Variants in CNGB3 observed in about 807,000 individuals in gnomAD.
CNGB3 encodes the protein cyclic nucleotide-gated channel beta-3.
In CNGB3, 86 loss-of-function variants were observed where a neutral mutation model predicts 92.8. That is an observed-to-expected ratio of 0.93 (90% confidence interval 0.78 to 1.11). The LOEUF (loss-of-function observed/expected upper bound fraction) is 1.11, where lower values mean the gene tolerates loss of function less well. Among genes scored for constraint, CNGB3 ranks in the 50% least tolerant of loss-of-function variants. The pLI, the probability that CNGB3 is intolerant of heterozygous loss-of-function variation, is 0.00. For synonymous variants in CNGB3, 333 were observed against 332.7 expected (o/e 1.00, Z -0.01); for missense variants, 1,026 against 956.8 (o/e 1.07, Z -0.95).
At chr8:86,712,246 T>G (rs966891564) in intron 3 of CNGB3, among the ~76,000 whole-genome samples, 2 of 152,162 alleles carry the variant, frequency 1.3e-5, no homozygotes, top group Non-Finnish European at 2.9e-5. Flanking sequence ...TTGCTGATTC[T>G]TTCTTTTTTA....
intron 3 of CNGB3, among the ~76,000 whole-genome samples, chr8:86,671,457 A>G (rs563456014): frequency 6.6e-6 from 1 of 152,332 alleles, no homozygotes; most frequent in Non-Finnish European, 1.5e-5. Flanking sequence ...ATGTGCCTGC[A>G]TAATCCCAGG....
chr8:86,707,285 A>G (rs1824667403), intron 3 of CNGB3, among the ~76,000 whole-genome samples: 1 of 152,202 alleles, frequency 6.6e-6, no homozygotes, highest in Non-Finnish European at 1.5e-5. Flanking sequence ...TTTAATAAAG[A>G]GAGACAGATA....
At chr8:86,594,405 C>T (rs1322972876) in intron 15 of CNGB3, 3 of 287,810 alleles carry the variant, frequency 1.0e-5, no homozygotes, top group South Asian at 3.4e-5. Flanking sequence ...CCAAACCAGG[C>T]GTGCTTGCTC....
At chr8:86,674,993 C>T (rs1434587062) in intron 3 of CNGB3, among the ~76,000 whole-genome samples, 1 of 151,884 alleles carries the variant, frequency 6.6e-6, no homozygotes, top group Non-Finnish European at 1.5e-5. Flanking sequence ...GGGTCTTGCT[C>T]TGTCACCCAG....
At chr8:86,615,857 A>G (rs1822610588) in intron 13 of CNGB3, among the ~76,000 whole-genome samples, 1 of 152,084 alleles carries the variant, frequency 6.6e-6, no homozygotes, top group Non-Finnish European at 1.5e-5. Flanking sequence ...GGAGGGAGGA[A>G]GGAGAATGGG....
In CNGB3 at chr8:86,625,666, A is replaced by G. The variant is rs113523126; in HGVS notation, c.1578+317T>C. 9.9e-3 allele frequency among the ~76,000 whole-genome samples: 1,512 copies of G among 152,248 alleles called. 23 individuals are homozygous for G. Among genetic ancestry groups the G allele is most frequent in the African/African-American group, 0.035 (1,436 of 41,534 alleles). On this transcript the variant is annotated intron_variant, in intron 13 of 17. Coordinates refer to ENST00000320005, the MANE Select transcript of CNGB3 (RefSeq NM_019098.5). ...TGTTGTGAATTGCCAAGGCACATTTATAGATGGGAGGTGATACATGTACTA... is the reference window on the plus strand; with the variant it reads ...TGTTGTGAATTGCCAAGGCACATTTGTAGATGGGAGGTGATACATGTACTA...
intron 10 of CNGB3, among the ~76,000 whole-genome samples, chr8:86,640,090 A>G (rs1823152074): frequency 6.6e-6 from 1 of 152,038 alleles, no homozygotes; most frequent in African/African-American, 2.4e-5. Flanking sequence ...TGGGTTATCA[A>G]ATCTTTTATA....
chr8:86,630,355 A>G lies in CNGB3; in HGVS notation c.1321-1277T>C, dbSNP rs112875460. ...TTGGGAAGCAAGGACTATTAAAAGC[A>G]TTATTGATTGCTGTTGAGGCTCCAA... On this transcript the variant is annotated intron_variant, in intron 11 of 17. Transcript: ENST00000320005. 7.4e-4 allele frequency among the ~76,000 whole-genome samples: 113 copies of G among 152,332 alleles called. 1 individual carries two copies. The South Asian group carries it at 0.011, about 15-fold the overall frequency.
Position 86,575,601 on chromosome 8 carries a change from A to C in CNGB3, c.*203T>G. On this transcript the variant is annotated 3_prime_UTR_variant, in exon 18 of 18. Coordinates refer to ENST00000320005, the MANE Select transcript of CNGB3 (RefSeq NM_019098.5). ...AATTGCATAAAGTTAATGAAAACGG[A>C]GAATAGGGATGGCTTTTAATAATCT... The C allele has an allele frequency of 2.0e-6, 1 of 512,380 alleles. No individual in the cohort carries two copies. 31.7% of individuals were successfully genotyped at this position (512,380 alleles called of 1,614,324 possible).
At chr8:86,689,179 C>A (rs1824249162) in intron 3 of CNGB3, among the ~76,000 whole-genome samples, 1 of 150,426 alleles carries the variant, frequency 6.6e-6, no homozygotes, top group Non-Finnish European at 1.5e-5. Flanking sequence ...TTTTTAAGGA[C>A]TTGTTTTGTG....
chr8:86,654,927 C>T (rs931201416), intron 6 of CNGB3, among the ~76,000 whole-genome samples: 2 of 152,116 alleles, frequency 1.3e-5, no homozygotes, highest in Non-Finnish European at 2.9e-5. Flanking sequence ...ATCTCTACTT[C>T]CACTAATATC....
At chr8:86,615,910 T>C (rs10113103) in intron 13 of CNGB3, among the ~76,000 whole-genome samples, 19,997 of 152,064 alleles carry the variant, frequency 0.13, 1,745 homozygotes, top group African/African-American at 0.25. Flanking sequence ...TTTTTATTAA[T>C]TTTAAATTTT....
At chr8:86,681,009 C>G (rs2131627795) in intron 3 of CNGB3, among the ~76,000 whole-genome samples, 1 of 152,208 alleles carries the variant, frequency 6.6e-6, no homozygotes, top group East Asian at 1.9e-4. Context: ...TCTGTGTCCA[C>G]TACAGATATA....
chr8:86,641,468 G>C (rs1375472514), intron 10 of CNGB3, among the ~76,000 whole-genome samples: 1 of 151,832 alleles, frequency 6.6e-6, no homozygotes, highest in Non-Finnish European at 1.5e-5. Context: ...TTGGGGTCTG[G>C]ATCAGGACCC....
chr8:86,599,606 T>TA lies in CNGB3; in HGVS notation c.1781+4486dup, dbSNP rs201130656. On this transcript the variant is annotated intron_variant, in intron 15 of 17. Coordinates refer to ENST00000320005, the MANE Select transcript of CNGB3 (RefSeq NM_019098.5). ...GAATGTGTCCCTGAGGGTAGGCCTT[T>TA]AAAATGGCCACCTTGGGGGCGGCTG... Among the ~76,000 whole-genome samples the TA allele has an allele frequency of 6.3e-3, 948 of 150,028 alleles. 9 individuals are homozygous for TA. Among genetic ancestry groups the TA allele is most frequent in the African/African-American group, 0.023 (894 of 39,474 alleles).
At chr8:86,686,314 A>G (rs563972737) in intron 3 of CNGB3, among the ~76,000 whole-genome samples, 3 of 151,456 alleles carry the variant, frequency 2.0e-5, no homozygotes, top group South Asian at 2.1e-4. Flanking sequence ...TGGTTAATGG[A>G]GCTCACCGTT....
rs997315769 is a variant in CNGB3 at position 86,599,112 on chromosome 8, C to T, written c.1781+4981G>A. ...ACCGGCTGAAGCCATGGCAGAAGAA[C>T]GTGGATTGTGAAGATTTCATGGACA... On this transcript the variant is annotated intron_variant, in intron 15 of 17. Transcript: ENST00000320005. 8.5e-5 allele frequency among the ~76,000 whole-genome samples: 13 copies of T among 152,100 alleles called. No homozygotes were observed. The East Asian group carries it at 1.7e-3, about 20-fold the overall frequency.
At chr8:86,652,108 A>T (rs1823414898) in intron 7 of CNGB3, among the ~76,000 whole-genome samples, 1 of 152,012 alleles carries the variant, frequency 6.6e-6, no homozygotes, top group African/African-American at 2.4e-5. Context: ...GTTACTGTAC[A>T]GCATGTTACT....
chr8:86,651,971 C>G (rs1391713954), intron 7 of CNGB3, among the ~76,000 whole-genome samples: 1 of 151,838 alleles, frequency 6.6e-6, no homozygotes, highest in South Asian at 2.1e-4. Flanking sequence ...TTACATAAAC[C>G]TAGATGTATT....
Sources: allele counts gnomAD v4.1 joint callset (sites outside exome capture counted in the v4.1 genomes callset), GRCh38; gene constraint gnomAD v4.1.1; transcripts MANE v1.5; gene names NCBI Gene and HGNC (gene_info 2026-07-23, HGNC 2026-07-21).